FGF13: variants seen among roughly 807,000 people sequenced by gnomAD.
The protein encoded by FGF13 is fibroblast growth factor 13.
FGF13 carries 2 observed loss-of-function variants against 19.5 expected under a neutral mutation model. The ratio of observed to expected loss-of-function variants is 0.10; its 90% CI spans 0.04 to 0.32. The LOEUF (loss-of-function observed/expected upper bound fraction) is 0.32, where lower values mean the gene tolerates loss of function less well. Ranked by LOEUF, FGF13 falls within the 10% of genes least tolerant of loss-of-function variation. FGF13 has a pLI of 1.00. For missense variants in FGF13, 113 were observed against 192.7 expected, an observed-to-expected ratio of 0.59 and a Z score of 2.45; for synonymous variants, 72 against 76.9, an observed-to-expected ratio of 0.94 and a Z score of 0.33.
At chrX:138,739,615 G>T (rs190730456), upstream of FGF13, among the ~76,000 whole-genome samples, 109 of 111,641 alleles carry the variant, frequency 9.8e-4, 2 homozygotes, top group African/African-American at 3.5e-3. Context: ...TATGAAAAAC[G>T]GTCTGTAACA....
intron 3 of FGF13, among the ~76,000 whole-genome samples, chrX:138,676,155 G>A (rs1466556545): frequency 1.8e-5 from 2 of 111,574 alleles, no homozygotes; most frequent in Non-Finnish European, 3.8e-5. Flanking sequence ...AACCAAAGGG[G>A]GAAAAGCAAC....
intron 1 of FGF13, among the ~76,000 whole-genome samples, chrX:139,024,722 C>T (rs755132092): frequency 1.3e-4 from 15 of 111,652 alleles, no homozygotes; most frequent in African/African-American, 4.9e-4. Flanking sequence ...ACACTGCTTT[C>T]CCTGAAGGGA....
intron 3 of FGF13, chrX:138,807,228 T>C (rs939782030): frequency 8.9e-6 from 1 of 111,966 alleles, no homozygotes; most frequent in African/African-American, 3.2e-5. Flanking sequence ...GATTATTTTC[T>C]ATTATTTTTA....
intron 3 of FGF13, among the ~76,000 whole-genome samples, chrX:138,763,784 G>A (rs1341351620): frequency 1.8e-5 from 2 of 111,227 alleles, no homozygotes; most frequent in Non-Finnish European, 3.8e-5. Context: ...GCTACATCCC[G>A]TGTTAATAAT....
At chrX:138,975,771 A>C (rs1368660481) in intron 1 of FGF13, among the ~76,000 whole-genome samples, 1 of 111,396 alleles carries the variant, frequency 9.0e-6, no homozygotes, top group African/African-American at 3.3e-5. Flanking sequence ...AATAAAAGCA[A>C]TGTTGAGAAT....
At chrX:138,805,925 T>G (rs1216928836) in intron 3 of FGF13, among the ~76,000 whole-genome samples, 1 of 111,619 alleles carries the variant, frequency 9.0e-6, no homozygotes, top group African/African-American at 3.3e-5. Flanking sequence ...TATGGCTTAT[T>G]ATTTGATTAA....
chrX:139,042,392 C>G (rs1489306116), intron 1 of FGF13, among the ~76,000 whole-genome samples: 1 of 111,373 alleles, frequency 9.0e-6, no homozygotes, highest in Non-Finnish European at 1.9e-5. Context: ...CAGGTAGTGC[C>G]TGACGATGGT....
At chrX:138,782,535 C>T (rs2090653930) in intron 3 of FGF13, among the ~76,000 whole-genome samples, 2 of 108,474 alleles carry the variant, frequency 1.8e-5, no homozygotes, top group South Asian at 8.3e-4. Flanking sequence ...AAACAGAGAG[C>T]CAAATCATGA....
At chrX:138,652,155 A>T (rs1454199301) in intron 3 of FGF13, among the ~76,000 whole-genome samples, 1 of 111,057 alleles carries the variant, frequency 9.0e-6, no homozygotes, top group East Asian at 2.8e-4. Context: ...TATGCTAAGC[A>T]TATCCCCACC....
At chrX:139,153,445 C>A (rs1442457607) in intron 1 of FGF13, among the ~76,000 whole-genome samples, 2 of 110,940 alleles carry the variant, frequency 1.8e-5, no homozygotes, top group Admixed American at 1.9e-4. Context: ...AGCCAAATAG[C>A]CCCCTCTCCC....
intron 1 of FGF13, among the ~76,000 whole-genome samples, chrX:139,069,373 A>G (rs1411009303): frequency 1.3e-5 from 1 of 78,776 alleles, no homozygotes; most frequent in South Asian, 8.3e-4. Flanking sequence ...ACAAAAAACC[A>G]AACACCGCAT....
rs138527173 is a variant in FGF13, at chrX:138,673,357, G to C, written c.402+29627C>G. ...TGGTTTGACCAGGCATGTTATTTAC[G>C]TAGCCCGCGGAAAAACTGACTCTTC... is the stretch of plus-strand genomic sequence containing the variant. On this transcript the variant is annotated intron_variant, in intron 3 of 4. Transcript: ENST00000315930. Among the ~76,000 whole-genome samples, 835 of 110,748 alleles carry C rather than the reference G, an allele frequency of 7.5e-3. 5 individuals carry two copies. Among genetic ancestry groups the C allele is most frequent in the African/African-American group, 0.025 (767 of 30,426 alleles).
At chrX:138,905,028 A>C (rs759863222) in intron 1 of FGF13, among the ~76,000 whole-genome samples, 2 of 111,688 alleles carry the variant, frequency 1.8e-5, no homozygotes, top group South Asian at 7.5e-4. Context: ...TTATGACCAA[A>C]CCTGACGGAA....
intron 1 of FGF13, among the ~76,000 whole-genome samples, chrX:139,076,639 C>T (rs1007298217): frequency 5.5e-4 from 61 of 111,785 alleles, no homozygotes; most frequent in African/African-American, 1.8e-3. Context: ...AAATGCAACG[C>T]TATACTACCA....
intron 2 of FGF13, among the ~76,000 whole-genome samples, chrX:138,863,429 C>T (rs1392499960): frequency 9.0e-6 from 1 of 111,471 alleles, no homozygotes; most frequent in Non-Finnish European, 1.9e-5. Context: ...TGTGGTGCCT[C>T]GGGACAGGTT....
chrX:138,708,318 T>G (rs1386069560), intron 2 of FGF13, among the ~76,000 whole-genome samples: 1 of 112,053 alleles, frequency 8.9e-6, no homozygotes, highest in East Asian at 2.8e-4. Context: ...AAGAAATCCC[T>G]TTACCCACCT....
chrX:138,962,645 C>T (rs190588226), intron 1 of FGF13, among the ~76,000 whole-genome samples: 2,447 of 112,102 alleles, frequency 0.022, 74 homozygotes, highest in African/African-American at 0.075. Flanking sequence ...CACATATACA[C>T]CAAGGAATAC....
intron 1 of FGF13, among the ~76,000 whole-genome samples, chrX:139,199,671 CATA>C (rs2084400676): frequency 1.8e-5 from 2 of 111,384 alleles, no homozygotes; most frequent in Non-Finnish European, 1.9e-5. Context: ...CTGCTGTGGG[CATA>C]GACCTCAACT....
chrX:139,035,905 G>T (rs1331942225), intron 1 of FGF13, among the ~76,000 whole-genome samples: 2 of 111,922 alleles, frequency 1.8e-5, no homozygotes, highest in African/African-American at 6.5e-5. Context: ...TTTCTCAGCA[G>T]CCAGTCAAAG....
Sources: gnomAD v4.1 joint callset for allele counts (sites outside exome capture counted in the v4.1 genomes callset) on GRCh38, gnomAD v4.1.1 for gene constraint, MANE v1.5 for transcripts, NCBI Gene and HGNC (gene_info 2026-07-23, HGNC 2026-07-21) for gene names.